FER1L6: variants seen among roughly 807,000 people sequenced by gnomAD.
FER1L6 encodes the protein fer-1 like family member 6.
In FER1L6, 177 loss-of-function variants were observed where a neutral mutation model predicts 219.2. The observed-to-expected ratio is 0.81, with a 90% CI of 0.71 to 0.91. The LOEUF (loss-of-function observed/expected upper bound fraction) is 0.91. Among genes scored for constraint, FER1L6 ranks in the 40% least tolerant of loss-of-function variants. The pLI, the probability that FER1L6 is intolerant of heterozygous loss-of-function variation, is 0.00. For missense variants in FER1L6, 2,153 were observed against 2,259.9 expected (o/e 0.95, Z 0.96); for synonymous variants, 768 against 824.3 (o/e 0.93, Z 1.17).
rs139407390 is a variant in FER1L6, at chr8:123,868,094, T to C, written c.-8+15909T>C. 1.8e-4 allele frequency among the ~76,000 whole-genome samples: 28 copies of C among 152,340 alleles called. No homozygotes were observed. The East Asian group carries it at 5.0e-3, about 27-fold the overall frequency. ...GACATTGTATTTGTGAGATTTCTCC[T>C]TATTCCTTTCTTCCTTCCCCGCTCC... is the stretch of plus-strand genomic sequence containing the variant. On this transcript the variant is annotated intron_variant, in intron 1 of 40. Coordinates refer to ENST00000522917, the MANE Select transcript of FER1L6 (RefSeq NM_001039112.2).
intron 1 of FER1L6, among the ~76,000 whole-genome samples, chr8:123,884,416 C>A (rs779865806): frequency 3.0e-4 from 45 of 152,206 alleles, no homozygotes; most frequent in Non-Finnish European, 5.3e-4. Context: ...AGCCCTTCCC[C>A]AGTGTCCCAT....
chr8:124,095,818 T>C (rs749275851), intron 35 of FER1L6, among the ~76,000 whole-genome samples: 17 of 152,240 alleles, frequency 1.1e-4, no homozygotes, highest in Non-Finnish European at 2.4e-4. Flanking sequence ...GGGCTTATTA[T>C]GATCCTCACT....
intron 33 of FER1L6, among the ~76,000 whole-genome samples, chr8:124,087,388 G>A (rs1351042144): frequency 6.6e-6 from 1 of 152,012 alleles, no homozygotes; most frequent in African/African-American, 2.4e-5. Flanking sequence ...CAGTATGTCT[G>A]TTGCATTTTT....
chr8:123,923,927 G>A (rs574678551), intron 1 of FER1L6, among the ~76,000 whole-genome samples: 12 of 135,100 alleles, frequency 8.9e-5, no homozygotes, highest in African/African-American at 2.6e-4. Context: ...ACTACAGATC[G>A]AGACTCCAAC....
chr8:124,023,318 A>G, intron 17 of FER1L6, 126 bp from the exon 18 acceptor site: 1 of 894,276 alleles, frequency 1.1e-6, no homozygotes, highest in Non-Finnish European at 1.7e-6. Context: ...AGATGGTGTC[A>G]GTCACAGCAT....
chr8:124,010,732 G>T lies in FER1L6; in HGVS notation c.1821+18G>T. The T allele has an allele frequency of 6.2e-7, 1 of 1,611,908 alleles. No individual in the cohort carries two copies. Among genetic ancestry groups the T allele is most frequent in the South Asian group, 1.1e-5 (1 of 90,560 alleles). On this transcript the variant is annotated intron_variant, in intron 14 of 40. Transcript: ENST00000522917. ...ACTTCCTGGTAGGTGACTCTGACAGGTGATGGATTAGAGAATTGGGAAGCT... is the reference window on the plus strand; with the variant it reads ...ACTTCCTGGTAGGTGACTCTGACAGTTGATGGATTAGAGAATTGGGAAGCT...
intron 22 of FER1L6, among the ~76,000 whole-genome samples, chr8:124,052,276 T>C (rs565888424): frequency 4.7e-4 from 72 of 152,274 alleles, no homozygotes; most frequent in African/African-American, 1.6e-3. Flanking sequence ...TTTGCCATGT[T>C]TTATCCTTCT....
At chr8:123,932,104 TTTATTTTA>T (rs1490909196) in intron 1 of FER1L6, among the ~76,000 whole-genome samples, 2 of 152,094 alleles carry the variant, frequency 1.3e-5, no homozygotes, top group Non-Finnish European at 2.9e-5. Context: ...CCGTATTTAT[TTTATTTTA>T]TTATTATTAT....
At chr8:123,905,472 G>T (rs531018336) in intron 1 of FER1L6, among the ~76,000 whole-genome samples, 38 of 152,194 alleles carry the variant, frequency 2.5e-4, no homozygotes, top group African/African-American at 8.0e-4. Context: ...TCTTTATCCA[G>T]TTTATCATTG....
In FER1L6 at chr8:123,975,174, C is replaced by T. The variant is rs775462522; in HGVS notation, c.551C>T (p.Ala184Val). ...GGTCATCAGTTCTGCAACAAGTGGG[C>T]CCTGCTCACAGACCCTGGTGACATC... is the stretch of plus-strand genomic sequence containing the variant. Reference protein sequence around the residue: ...QPGHQFCNKWALLTDPGDIRT... With the variant: ...QPGHQFCNKWVLLTDPGDIRT... The change falls in exon 8 of 41, where the codon GCC (alanine) becomes GTC (valine). Residue 184 changes from alanine to valine, a missense_variant. By Grantham distance (64) the Ala-to-Val change is moderately conservative. Coordinates refer to ENST00000522917, the MANE Select transcript of FER1L6 (RefSeq NM_001039112.2). The T allele has an allele frequency of 3.5e-5, 56 of 1,607,522 alleles. No individual in the cohort carries two copies. The highest frequency in any genetic ancestry group is 4.5e-5 in the East Asian group (2 of 44,588).
chr8:123,976,355 T>G (rs1816072592), intron 9 of FER1L6, among the ~76,000 whole-genome samples: 1 of 151,716 alleles, frequency 6.6e-6, no homozygotes. Flanking sequence ...ACACAAAAAA[T>G]TAGCTGGGCG....
At chr8:123,970,214 C>A in intron 6 of FER1L6, 117 bp downstream of exon 6, 3 of 942,386 alleles carry the variant, frequency 3.2e-6, no homozygotes, top group Non-Finnish European at 5.2e-6. Flanking sequence ...GGGCAAGTGT[C>A]AGTTGGTGAG....
chr8:124,115,425 G>T (rs1167477661), intron 39 of FER1L6, among the ~76,000 whole-genome samples: 1 of 151,984 alleles, frequency 6.6e-6, no homozygotes, highest in Non-Finnish European at 1.5e-5. Flanking sequence ...GATGCATTGC[G>T]ACCGTTCTAG....
At chr8:124,080,537 C>G (rs1421817306) in intron 32 of FER1L6, among the ~76,000 whole-genome samples, 1 of 152,142 alleles carries the variant, frequency 6.6e-6, no homozygotes, top group Non-Finnish European at 1.5e-5. Flanking sequence ...AGGCTTGTCT[C>G]GAACTCCTGG....
chr8:123,940,623 C>T (rs1049546617), intron 1 of FER1L6, among the ~76,000 whole-genome samples: 1 of 152,198 alleles, frequency 6.6e-6, no homozygotes, highest in Admixed American at 6.5e-5. Flanking sequence ...CAGGTGTGAG[C>T]CACTGCACCT....
At chr8:124,112,210 C>T (rs1823050288) in intron 39 of FER1L6, among the ~76,000 whole-genome samples, 1 of 152,180 alleles carries the variant, frequency 6.6e-6, no homozygotes, top group African/African-American at 2.4e-5. Flanking sequence ...AGCATTCAAA[C>T]ATGGCTGTCT....
rs28615281 is a variant in FER1L6 at position 123,856,348 on chromosome 8, A to G, written c.-8+4163A>G. Among the ~76,000 whole-genome samples the G allele has an allele frequency of 1.1e-3, 138 of 130,850 alleles. 3 individuals carry two copies. Among genetic ancestry groups the G allele is most frequent in the African/African-American group, 4.0e-3 (128 of 32,072 alleles). 85.8% of individuals were successfully genotyped at this position (130,850 alleles called of 152,430 possible). On this transcript the variant is annotated intron_variant, in intron 1 of 40. Coordinates refer to ENST00000522917, the MANE Select transcript of FER1L6 (RefSeq NM_001039112.2). Reference sequence around the variant, plus strand: ...TATATATATATATATATATATATATATTAGGGTCCAGGCCTCATACTAACA... The same window carrying G: ...TATATATATATATATATATATATATGTTAGGGTCCAGGCCTCATACTAACA...
rs530886346 is a variant in FER1L6, at chr8:124,040,016, G to A, written c.2589+10G>A. 1.2e-6 allele frequency: 2 copies of A among 1,613,970 alleles called. No homozygotes were observed. Among genetic ancestry groups the A allele is most frequent in the Admixed American group, 1.7e-5 (1 of 60,004 alleles). ...CTGCCAGACAACAAAGGTAACCAGG[G>A]TAACCAAGACAGCCTGCTTCTTTCC... On this transcript the variant is annotated intron_variant, in intron 20 of 40. Transcript: ENST00000522917.
intron 35 of FER1L6, among the ~76,000 whole-genome samples, 179 bp from the exon 36 acceptor site, chr8:124,097,092 T>TATAC (rs1203092189): frequency 7.6e-4 from 6 of 7,856 alleles, no homozygotes; most frequent in African/African-American, 1.1e-3. Flanking sequence ...TATATATATA[T>TATAC]ATACATACAT....
Sources: gnomAD v4.1 joint callset for allele counts (sites outside exome capture counted in the v4.1 genomes callset) on GRCh38, gnomAD v4.1.1 for gene constraint, MANE v1.5 for transcripts, NCBI Gene and HGNC (gene_info 2026-07-23, HGNC 2026-07-21) for gene names.